The following C8orf34 variants were observed in gnomAD, a reference collection of about 807,000 sequenced individuals.
The protein encoded by C8orf34 is uncharacterized protein C8orf34.
Under a neutral mutation model 68.3 loss-of-function variants are expected in C8orf34, and 65 were observed. The ratio of observed to expected loss-of-function variants is 0.95; its 90% CI spans 0.78 to 1.17. The LOEUF (loss-of-function observed/expected upper bound fraction) is 1.17. Among genes scored for constraint, C8orf34 ranks in the 50% most tolerant of loss-of-function variants. The pLI is 0.00. For synonymous variants in C8orf34, 244 were observed against 241.2 expected, an observed-to-expected ratio of 1.01 and a Z score of -0.11; for missense variants, 664 against 655.4, an observed-to-expected ratio of 1.01 and a Z score of -0.14.
chr8:68,480,141 T>A (rs1812796908), intron 4 of C8orf34, among the ~76,000 whole-genome samples: 1 of 152,136 alleles, frequency 6.6e-6, no homozygotes, highest in Admixed American at 6.5e-5. Flanking sequence ...TCCCACATGT[T>A]GTGGGAGGGA....
At chr8:68,696,364 A>G (rs1347921599) in intron 8 of C8orf34, among the ~76,000 whole-genome samples, 1 of 148,858 alleles carries the variant, frequency 6.7e-6, no homozygotes, top group Non-Finnish European at 1.5e-5. Context: ...ATATATATAG[A>G]TTATATAGAG....
intron 3 of C8orf34, among the ~76,000 whole-genome samples, chr8:68,466,193 G>T (rs1447334966): frequency 2.6e-5 from 4 of 151,928 alleles, no homozygotes; most frequent in African/African-American, 9.7e-5. Flanking sequence ...TGGAGGTAAG[G>T]GATTGAAAGA....
chr8:68,689,368 C>A (rs1345193075), intron 8 of C8orf34, among the ~76,000 whole-genome samples: 3 of 151,918 alleles, frequency 2.0e-5, no homozygotes, highest in Non-Finnish European at 4.4e-5. Flanking sequence ...AGAATTCATC[C>A]ATGTAACCAA....
At chr8:68,513,889 G>A (rs756211184) in intron 5 of C8orf34, among the ~76,000 whole-genome samples, 5 of 152,116 alleles carry the variant, frequency 3.3e-5, no homozygotes, top group Non-Finnish European at 5.9e-5. Context: ...GAAAAAGCCC[G>A]GGAGTGATGA....
At chr8:68,417,660 AC>A (rs1809735296) in intron 1 of C8orf34, among the ~76,000 whole-genome samples, 1 of 152,180 alleles carries the variant, frequency 6.6e-6, no homozygotes, top group Non-Finnish European at 1.5e-5. Flanking sequence ...CAAGAATGAA[AC>A]TAAGAAAAAC....
At chr8:68,430,518 G>A (rs937818788) in intron 1 of C8orf34, among the ~76,000 whole-genome samples, 1 of 152,188 alleles carries the variant, frequency 6.6e-6, no homozygotes, top group African/African-American at 2.4e-5. Context: ...AATCTTGTGA[G>A]ACTGAGTCTT....
In C8orf34 at chr8:68,663,637, T is replaced by C. The variant is rs12114716; in HGVS notation, c.1241+23126T>C. Among the ~76,000 whole-genome samples the C allele has an allele frequency of 5.9e-3, 893 of 152,282 alleles. 15 individuals are homozygous for C. Among genetic ancestry groups the C allele is most frequent in the African/African-American group, 0.021 (857 of 41,566 alleles). On this transcript the variant is annotated intron_variant, in intron 8 of 13. Coordinates refer to ENST00000518698, the MANE Select transcript of C8orf34 (RefSeq NM_052958.4). ...TGGAGCCAGAGGACCCCTGCTATGT[T>C]GTTTGAAATCAGGATACTTAGGTGT...
chr8:68,376,649 G>T (rs758790216), intron 1 of C8orf34, among the ~76,000 whole-genome samples: 9 of 150,542 alleles, frequency 6.0e-5, no homozygotes, highest in Non-Finnish European at 1.3e-4. Context: ...CTCTCTCCAG[G>T]CCCATTTATT....
chr8:68,776,335 A>C, intron 10 of C8orf34, 64 bp from the exon 11 acceptor site: 3 of 1,252,258 alleles, frequency 2.4e-6, no homozygotes, highest in Non-Finnish European at 3.5e-6. Flanking sequence ...ACTCTCCACG[A>C]TTCTTTCATT....
rs1046176688 is a variant in C8orf34, at chr8:68,600,354, A to G, written c.1106-40022A>G. ...GATGGTGTTGTAATTTTTAGTTCAAACATCATATATGATTTTTAAAACTCA... is the reference window on the plus strand; with the variant it reads ...GATGGTGTTGTAATTTTTAGTTCAAGCATCATATATGATTTTTAAAACTCA... On this transcript the variant is annotated intron_variant, in intron 7 of 13. Coordinates refer to ENST00000518698, the MANE Select transcript of C8orf34 (RefSeq NM_052958.4). 4.6e-5 allele frequency among the ~76,000 whole-genome samples: 7 copies of G among 152,304 alleles called. No individual in the cohort carries two copies. In the South Asian group the frequency reaches 1.0e-3, roughly 23 times the overall value.
chr8:68,450,643 G>A (rs376688765), intron 3 of C8orf34, among the ~76,000 whole-genome samples: 2 of 152,106 alleles, frequency 1.3e-5, no homozygotes, highest in Non-Finnish European at 2.9e-5. Flanking sequence ...TTTTCAATGA[G>A]CAGTAACATT....
intron 7 of C8orf34, among the ~76,000 whole-genome samples, chr8:68,631,726 T>C (rs925096160): frequency 2.0e-5 from 3 of 152,102 alleles, no homozygotes; most frequent in Non-Finnish European, 4.4e-5. Flanking sequence ...GTTCTCCTGA[T>C]AGTGAGGGAG....
At chr8:68,749,388 A>G (rs1394399713) in intron 10 of C8orf34, among the ~76,000 whole-genome samples, 2 of 152,210 alleles carry the variant, frequency 1.3e-5, no homozygotes, top group African/African-American at 4.8e-5. Flanking sequence ...AAAATATAAT[A>G]ATAAAAAAAA....
intron 13 of C8orf34, among the ~76,000 whole-genome samples, chr8:68,817,291 C>T (rs1389477029): frequency 6.6e-6 from 1 of 152,010 alleles, no homozygotes; most frequent in African/African-American, 2.4e-5. Flanking sequence ...GTCAAAGGGT[C>T]AAGAGAAAGT....
chr8:68,749,391 A>T (rs1024650093), intron 10 of C8orf34, among the ~76,000 whole-genome samples: 2 of 152,030 alleles, frequency 1.3e-5, no homozygotes, highest in Non-Finnish European at 2.9e-5. Context: ...ATATAATAAT[A>T]AAAAAAAGAC....
At chr8:68,809,720 C>T (rs6982162) in intron 12 of C8orf34, among the ~76,000 whole-genome samples, 19,610 of 152,228 alleles carry the variant, frequency 0.13, 1,405 homozygotes, top group African/African-American at 0.19. Flanking sequence ...CCACTTCAGA[C>T]TTAAGTGAAG....
intron 3 of C8orf34, among the ~76,000 whole-genome samples, chr8:68,449,820 G>T (rs1375489488): frequency 6.6e-6 from 1 of 152,060 alleles, no homozygotes; most frequent in Non-Finnish European, 1.5e-5. Flanking sequence ...GAAGGTTGAG[G>T]TATCTTTAGC....
intron 10 of C8orf34, among the ~76,000 whole-genome samples, chr8:68,758,876 G>C (rs1188865845): frequency 1.3e-5 from 2 of 151,944 alleles, no homozygotes; most frequent in African/African-American, 4.8e-5. Context: ...TCTAAACTCA[G>C]CAGTAAAAGC....
chr8:68,495,641 T>C (rs192863774), intron 5 of C8orf34, among the ~76,000 whole-genome samples: 1 of 152,360 alleles, frequency 6.6e-6, no homozygotes, highest in East Asian at 1.9e-4. Flanking sequence ...AGACAGGTGC[T>C]ATTATTCACC....
Sources: gnomAD v4.1 joint callset for allele counts (sites outside exome capture counted in the v4.1 genomes callset) on GRCh38, gnomAD v4.1.1 for gene constraint, MANE v1.5 for transcripts, NCBI Gene and HGNC (gene_info 2026-07-23, HGNC 2026-07-21) for gene names.